Variants in IDH3B observed in about 807,000 individuals in gnomAD.
IDH3B encodes isocitrate dehydrogenase (NAD(+)) 3 non-catalytic subunit beta.
Under a neutral mutation model 47.5 loss-of-function variants are expected in IDH3B, and 40 were observed. The ratio of observed to expected loss-of-function variants is 0.84; its 90% CI spans 0.65 to 1.10. The LOEUF is 1.10. Among genes scored for constraint, IDH3B ranks in the 50% least tolerant of loss-of-function variants. The pLI is 0.00. For synonymous variants in IDH3B, 185 were observed against 191.0 expected (o/e 0.97, Z 0.26); for missense variants, 450 against 505.2 (o/e 0.89, Z 1.05).
chr20:2,663,187 G>GAAATGCAAT (rs11472473), intron 4 of IDH3B, among the ~76,000 whole-genome samples: 24,789 of 151,640 alleles, frequency 0.16, 2,216 homozygotes, highest in Admixed American at 0.24. Context: ...TGGTATTCCA[G>GAAATGCAAT]AAATGCAATG....
rs781163599 is a variant in IDH3B, at chr20:2,658,780, T to A, written c.1129A>T (p.Ile377Phe). ...CTCCCTTTAGTCTGCAGGTGACCGA[T>A]GACAGACTTGATGAAGTCGGTTGTG... is the stretch of plus-strand genomic sequence containing the variant. ...STTTDFIKSV[I>F]GHLQTKGS Residue 377 changes from isoleucine (I) to phenylalanine (F), a missense_variant, in exon 12 of 12, where the codon ATC (isoleucine) becomes TTC (phenylalanine). Coordinates refer to ENST00000380843, the MANE Select transcript of IDH3B (RefSeq NM_006899.5). 2 of 1,614,210 alleles carry A rather than the reference T, an allele frequency of 1.2e-6. No individual in the cohort carries two copies. Among genetic ancestry groups the A allele is most frequent in the Non-Finnish European group, 1.7e-6 (2 of 1,180,034 alleles).
In IDH3B at chr20:2,663,431, AG is replaced by A; in HGVS notation, c.337+14del. On this transcript the variant is annotated intron_variant, in intron 4 of 11. Coordinates refer to ENST00000380843, the MANE Select transcript of IDH3B (RefSeq NM_006899.5). ...TTAAATGGCACATGGACAAGTGGCAAGAGGGCACACATACCAATGATGGCCA... is the reference window on the plus strand; with the variant it reads ...TTAAATGGCACATGGACAAGTGGCAAAGGGCACACATACCAATGATGGCCA... The A allele has an allele frequency of 6.2e-7, 1 of 1,614,096 alleles. No homozygotes were observed. The highest frequency in any genetic ancestry group is 8.5e-7 in the Non-Finnish European group (1 of 1,179,944).
In IDH3B at chr20:2,663,510, C is replaced by T. The variant is rs369809528; in HGVS notation, c.273G>A (p.Met91Ile). 4.3e-6 allele frequency: 7 copies of T among 1,614,190 alleles called. No individual in the cohort carries two copies. Among genetic ancestry groups the T allele is most frequent in the Non-Finnish European group, 5.1e-6 (6 of 1,180,014 alleles). Reference sequence around the variant, plus strand: ...CCTGCTCCAGCTTCTCCTCAGATGCCATATTCTGCACCTCACTCAGGTGGT... The same window carrying T: ...CCTGCTCCAGCTTCTCCTCAGATGCTATATTCTGCACCTCACTCAGGTGGT... ...QEHHLSEVQN[M>I]ASEEKLEQVL... is the part of the protein sequence containing the mutation. Residue 91 changes from methionine to isoleucine, a missense_variant, in exon 4 of 12, where the codon ATG becomes ATA. Physicochemically the swap from Met to Ile is conservative, Grantham distance 10. Transcript: ENST00000380843.
In IDH3B at chr20:2,659,685, C is replaced by T. The variant is rs1385584582; in HGVS notation, c.1010+14G>A. The T allele has an allele frequency of 6.2e-7, 1 of 1,613,108 alleles. No individual in the cohort carries two copies. Among genetic ancestry groups the T allele is most frequent in the Admixed American group, 1.7e-5 (1 of 60,022 alleles). On this transcript the variant is annotated intron_variant, in intron 10 of 11. Transcript: ENST00000380843. ...ACGACACCCAACCTCTGCCGACAGCCTCCCATGACCTACTTAAGATGCCGC... is the reference window on the plus strand; with the variant it reads ...ACGACACCCAACCTCTGCCGACAGCTTCCCATGACCTACTTAAGATGCCGC...
At position 2,661,515 on chromosome 20, in the gene IDH3B, A is replaced by AT. The variant is rs200279218; in HGVS notation, c.338-547dup. 8.3e-3 allele frequency among the ~76,000 whole-genome samples: 1,269 copies of AT among 152,222 alleles called. 19 individuals carry two copies. The highest frequency in any genetic ancestry group is 0.029 in the African/African-American group (1,198 of 41,520). On this transcript the variant is annotated intron_variant, in intron 4 of 11. Transcript: ENST00000380843. ...GTTGAAACTTCAAAACGGAGAACAGATTTTTTCTATTTATCAAAAAAGAGC... is the reference window on the plus strand; with the variant it reads ...GTTGAAACTTCAAAACGGAGAACAGATTTTTTTCTATTTATCAAAAAAGAGC...
At chr20:2,661,177 CTGTGTGTG>C (rs71329398) in intron 4 of IDH3B, among the ~76,000 whole-genome samples, 2 of 150,066 alleles carry the variant, frequency 1.3e-5, no homozygotes, top group African/African-American at 2.5e-5. Flanking sequence ...ATTGCATTTT[CTGTGTGTG>C]TGTGTGTGTG....
chr20:2,664,094 C>G (rs1006631835), intron 1 of IDH3B, 59 bp downstream of exon 1: 4 of 1,608,268 alleles, frequency 2.5e-6, no homozygotes, highest in Middle Eastern at 1.6e-4. Context: ...TTTAGGAAAC[C>G]CTAGGACAAA....
chr20:2,658,962 A>G (rs1600165590), intron 11 of IDH3B, 125 bp from the exon 12 acceptor site: 1 of 1,440,538 alleles, frequency 6.9e-7, no homozygotes, highest in Non-Finnish European at 9.1e-7. Context: ...GGCAATGCAC[A>G]GGAATGGAAG....
At position 2,658,575 on chromosome 20, in the gene IDH3B, C is replaced by A; in HGVS notation, c.*176G>T. ...GTGGCCTGGGCTCCATCCTAACAAT[C>A]CCCATCACCACCCAACAGTCTGTCC... On this transcript the variant is annotated 3_prime_UTR_variant, in exon 12 of 12. Coordinates refer to ENST00000380843, the MANE Select transcript of IDH3B (RefSeq NM_006899.5). 1.2e-6 allele frequency: 2 copies of A among 1,612,362 alleles called. No homozygotes were observed. The highest frequency in any genetic ancestry group is 2.2e-5 in the South Asian group (2 of 90,760).
At chr20:2,659,877 G>A in intron 9 of IDH3B, 84 bp from the exon 10 acceptor site, 2 of 1,421,626 alleles carry the variant, frequency 1.4e-6, no homozygotes, top group Non-Finnish European at 2.0e-6. Context: ...CATTATGGGA[G>A]GGGGAGCTCA....
rs773069784 is a variant in IDH3B, at chr20:2,660,800, A to G, written c.428T>C (p.Val143Ala). The G allele has an allele frequency of 1.2e-6, 2 of 1,614,156 alleles. No individual in the cohort carries two copies. Among genetic ancestry groups the G allele is most frequent in the Non-Finnish European group, 1.7e-6 (2 of 1,180,030 alleles). Reference sequence around the variant, plus strand: ...ATACCCAGGAAGTGACTTCACATGGACTACGTTGGCAAATAAGTCCAACTT... The same window carrying G: ...ATACCCAGGAAGTGACTTCACATGGGCTACGTTGGCAAATAAGTCCAACTT... Reference protein sequence around the residue: ...RRKLDLFANVVHVKSLPGYMT... With the variant: ...RRKLDLFANVAHVKSLPGYMT... The change falls in exon 6 of 12, where the codon GTC becomes GCC. Residue 143 changes from valine (V) to alanine (A), a missense_variant. Val to Ala is a moderately conservative substitution (Grantham distance 64). Transcript: ENST00000380843. This position sits in a 1 kb window ranked among gnomAD's most constrained non-coding sequence, Gnocchi z 5.6.
intron 11 of IDH3B, chr20:2,659,190 G>C (rs1338376713): frequency 2.8e-6 from 4 of 1,435,340 alleles, no homozygotes; most frequent in African/African-American, 2.9e-5. Flanking sequence ...AGGTGAAGCT[G>C]ATGCTTCAGC....
At chr20:2,663,621 A>G (rs1388579826) in intron 3 of IDH3B, 39 bp downstream of exon 3, 1 of 1,613,922 alleles carries the variant, frequency 6.2e-7, no homozygotes, top group South Asian at 1.1e-5. Flanking sequence ...TTTCCAACAC[A>G]CTACTGTCCT....
At chr20:2,663,628 T>C (rs2086989144) in intron 3 of IDH3B, 32 bp downstream of exon 3, 1 of 1,613,972 alleles carries the variant, frequency 6.2e-7, no homozygotes, top group Non-Finnish European at 8.5e-7. Context: ...CACACTACTG[T>C]CCTCTACTGT....
chr20:2,659,976 G>A (rs2086910217), intron 9 of IDH3B, 54 bp downstream of exon 9: 1 of 1,609,420 alleles, frequency 6.2e-7, no homozygotes, highest in Non-Finnish European at 8.5e-7. Context: ...TGGGATGGGA[G>A]AGGAATGGCG....
Position 2,658,592 on chromosome 20 carries a change from A to G in IDH3B, c.*159T>C, listed in dbSNP as rs762427221. 25 of 1,612,288 alleles carry G rather than the reference A, an allele frequency of 1.6e-5. No homozygotes were observed. Among genetic ancestry groups the G allele is most frequent in the Non-Finnish European group, 1.8e-5 (21 of 1,179,172 alleles). On this transcript the variant is annotated 3_prime_UTR_variant, in exon 12 of 12. Coordinates refer to ENST00000380843, the MANE Select transcript of IDH3B (RefSeq NM_006899.5). The stretch of plus-strand genomic sequence containing the variant: ...CTAACAATCCCCATCACCACCCAAC[A>G]GTCTGTCCCCTAAGGAAGCCGGCCC...
At chr20:2,659,926 G>T in intron 9 of IDH3B, 104 bp downstream of exon 9, 1 of 1,516,830 alleles carries the variant, frequency 6.6e-7, no homozygotes, top group Non-Finnish European at 9.2e-7. Context: ...GGGCAGCGTG[G>T]GGGAAGAACA....
chr20:2,661,359 G>C (rs1295472011), intron 4 of IDH3B, among the ~76,000 whole-genome samples: 2 of 152,164 alleles, frequency 1.3e-5, no homozygotes, highest in Non-Finnish European at 2.9e-5. Flanking sequence ...ACCACACCTG[G>C]CTAATTTTTT....
At position 2,663,737 on chromosome 20, in the gene IDH3B, C is replaced by T. The variant is rs780011142; in HGVS notation, c.139G>A (p.Gly47Ser). 1.2e-6 allele frequency: 2 copies of T among 1,614,148 alleles called. No homozygotes were observed. The highest frequency in any genetic ancestry group is 2.7e-5 in the African/African-American group (2 of 75,046). ...GGAAGCATGGTCACGGGAAAGGAGCCCTCCACCCTCACGTCCTCGGCCTCA... is the reference window on the plus strand; with the variant it reads ...GGAAGCATGGTCACGGGAAAGGAGCTCTCCACCCTCACGTCCTCGGCCTCA... Reference protein sequence around the residue: ...RSQAEDVRVEGSFPVTMLPGD... With the variant: ...RSQAEDVRVESSFPVTMLPGD... Residue 47 changes from glycine to serine, a missense_variant, in exon 3 of 12, where the codon GGC (glycine) becomes AGC (serine). By Grantham distance (56) the Gly-to-Ser change is moderately conservative. Transcript: ENST00000380843.
Sources: gnomAD v4.1 joint callset for allele counts (sites outside exome capture counted in the v4.1 genomes callset) on GRCh38, gnomAD v4.1.1 for gene constraint, Gnocchi (gnomAD v3.1) non-coding constraint, MANE v1.5 for transcripts, NCBI Gene and HGNC (gene_info 2026-07-23, HGNC 2026-07-21) for gene names.